VWA3B: variants seen among roughly 807,000 people sequenced by gnomAD.
VWA3B encodes von Willebrand factor A domain-containing protein 3B.
In VWA3B, 138 loss-of-function variants were observed where a neutral mutation model predicts 158.3. The observed-to-expected ratio is 0.87, with a 90% CI of 0.76 to 1.00. The LOEUF is 1.00. VWA3B is among the 50% of genes least tolerant of loss of function. The probability of loss-of-function intolerance (pLI) is 0.00; values close to 1 mark genes in which losing one functional copy is unlikely to be tolerated. For missense variants in VWA3B, 1,555 were observed against 1,565.1 expected (o/e 0.99, Z 0.11); for synonymous variants, 596 against 587.3 (o/e 1.01, Z -0.21).
At chr2:98,299,639 C>T (rs116269075) in intron 24 of VWA3B, among the ~76,000 whole-genome samples, 517 of 152,312 alleles carry the variant, frequency 3.4e-3, no homozygotes, top group African/African-American at 0.012. Context: ...TCTCCGTTTG[C>T]GACTTTTACC....
At chr2:98,278,372 G>C (rs368826716) in intron 22 of VWA3B, among the ~76,000 whole-genome samples, 2 of 152,222 alleles carry the variant, frequency 1.3e-5, no homozygotes, top group Non-Finnish European at 2.9e-5. Context: ...GTGTGTTACC[G>C]TGCTCCTTTA....
chr2:98,088,913 C>T (rs756630687), intron 1 of VWA3B, among the ~76,000 whole-genome samples: 6 of 151,832 alleles, frequency 4.0e-5, no homozygotes, highest in Non-Finnish European at 7.4e-5. Flanking sequence ...GTTACCATGC[C>T]CGGCTAATTT....
At chr2:98,300,841 C>T (rs912564510) in intron 25 of VWA3B, among the ~76,000 whole-genome samples, 1 of 152,122 alleles carries the variant, frequency 6.6e-6, no homozygotes, top group African/African-American at 2.4e-5. Flanking sequence ...GCGCCTCCTT[C>T]TCCTCTGTGT....
Position 98,194,429 on chromosome 2 carries a change from A to G in VWA3B, c.1674A>G (p.Glu558=). ...KFDGQAVAWR[E]QLAEVNEDNL... ...ATGGTCAAGCAGTTGCTTGGCGGGAACAACTTGCTGAAGTCAATGAAGATA... is the reference window on the plus strand; with the variant it reads ...ATGGTCAAGCAGTTGCTTGGCGGGAGCAACTTGCTGAAGTCAATGAAGATA... The change falls in exon 12 of 28, where the codon GAA becomes GAG. Residue 558 remains glutamate, a synonymous_variant. Transcript: ENST00000477737. The G allele has an allele frequency of 1.9e-6, 3 of 1,614,144 alleles. No individual in the cohort carries two copies. The highest frequency in any genetic ancestry group is 2.5e-6 in the Non-Finnish European group (3 of 1,179,996).
At chr2:98,307,921 C>T (rs1690628952) in intron 26 of VWA3B, among the ~76,000 whole-genome samples, 1 of 152,180 alleles carries the variant, frequency 6.6e-6, no homozygotes, top group African/African-American at 2.4e-5. Context: ...ACCTCCTTTC[C>T]TTCCTTCTGG....
chr2:98,202,017 T>C (rs1030102847), intron 12 of VWA3B, among the ~76,000 whole-genome samples: 1 of 152,242 alleles, frequency 6.6e-6, no homozygotes, highest in African/African-American at 2.4e-5. Context: ...TATCAGGAAA[T>C]GCTGACCTCA....
chr2:98,313,753 G>T (rs989163353), downstream of VWA3B, among the ~76,000 whole-genome samples: 11 of 152,122 alleles, frequency 7.2e-5, no homozygotes, highest in Admixed American at 7.2e-4. Flanking sequence ...TTTCTCATTG[G>T]AACAATCACT....
chr2:98,128,439 C>T (rs936720594), intron 6 of VWA3B, 31 bp downstream of exon 6: 1 of 1,604,026 alleles, frequency 6.2e-7, no homozygotes, highest in Non-Finnish European at 8.5e-7. Context: ...TGAGTGACAG[C>T]AAGCGGGTTG....
chr2:98,119,548 G>A lies in VWA3B; in HGVS notation c.327G>A (p.Val109=). Reference sequence around the variant, plus strand: ...AATCAGAACTGATTTATCAGTTTGTGGAACATTTAACACAAGCTGTGGAGA... The same window carrying A: ...AATCAGAACTGATTTATCAGTTTGTAGAACATTTAACACAAGCTGTGGAGA... ...TAKSELIYQF[V]EHLTQAVESY... is the part of the protein sequence containing the mutation. Residue 109 remains valine (V), a synonymous_variant, in exon 4 of 28, where the codon GTG becomes GTA. Transcript: ENST00000477737. 2 of 1,613,950 alleles carry A rather than the reference G, an allele frequency of 1.2e-6. No individual in the cohort carries two copies. The highest frequency in any genetic ancestry group is 1.7e-6 in the Non-Finnish European group (2 of 1,180,018).
At chr2:98,319,823 T>C in the VWA3B span, among the ~76,000 whole-genome samples, 1 of 151,478 alleles carries the variant, frequency 6.6e-6, no homozygotes, top group Admixed American at 6.6e-5. Flanking sequence ...GAGGTTGCAA[T>C]GAGCCTAGAT....
At chr2:98,216,987 C>CCCG (rs1684074488) in intron 13 of VWA3B, 1 of 1,275,356 alleles carries the variant, frequency 7.8e-7, no homozygotes, top group African/African-American at 1.6e-5. Flanking sequence ...TAAGCACCCG[C>CCCG]CCCGCACCCA....
At chr2:98,196,508 C>G (rs780731798) in intron 12 of VWA3B, among the ~76,000 whole-genome samples, 3 of 152,172 alleles carry the variant, frequency 2.0e-5, no homozygotes, top group Non-Finnish European at 4.4e-5. Context: ...TCTGAGCCTG[C>G]TTTGTGCTGT....
chr2:98,296,035 T>C (rs1185281233), intron 23 of VWA3B, among the ~76,000 whole-genome samples: 1 of 152,226 alleles, frequency 6.6e-6, no homozygotes, highest in Non-Finnish European at 1.5e-5. Flanking sequence ...AAAGAAGTCA[T>C]CATAACAGTC....
chr2:98,141,303 A>T (rs1300955470), intron 7 of VWA3B, among the ~76,000 whole-genome samples: 2 of 152,208 alleles, frequency 1.3e-5, no homozygotes, highest in African/African-American at 4.8e-5. Context: ...AAAGAGGTTT[A>T]TTAGGCTCAG....
chr2:98,159,023 G>A lies in VWA3B; in HGVS notation c.989-3828G>A, dbSNP rs75875296. Among the ~76,000 whole-genome samples the A allele has an allele frequency of 3.2e-3, 491 of 152,278 alleles. 4 individuals carry two copies. The highest frequency in any genetic ancestry group is 0.011 in the African/African-American group (467 of 41,542). The stretch of plus-strand genomic sequence containing the variant: ...TCTGGCAACTGGGTTTTATCCTGTA[G>A]GTGAGATGTGGAAGATTGGACAGGG... On this transcript the variant is annotated intron_variant, in intron 7 of 27. Coordinates refer to ENST00000477737, the MANE Select transcript of VWA3B (RefSeq NM_144992.5).
intron 2 of VWA3B, among the ~76,000 whole-genome samples, chr2:98,102,587 C>T (rs1161020321): frequency 6.6e-6 from 1 of 152,190 alleles, no homozygotes; most frequent in Non-Finnish European, 1.5e-5. Context: ...TTCAAATAAA[C>T]CTAATTCAGT....
intron 9 of VWA3B, among the ~76,000 whole-genome samples, chr2:98,185,228 A>G (rs892509150): frequency 2.6e-5 from 4 of 151,534 alleles, no homozygotes; most frequent in African/African-American, 7.3e-5. Context: ...ATTCCCACCC[A>G]TCTGTCTCCT....
At chr2:98,105,964 G>A (rs569276531) in intron 2 of VWA3B, among the ~76,000 whole-genome samples, 4 of 151,886 alleles carry the variant, frequency 2.6e-5, no homozygotes, top group Admixed American at 6.6e-5. Flanking sequence ...TGCCCAGGCT[G>A]GAGTGCAGTG....
intron 12 of VWA3B, among the ~76,000 whole-genome samples, chr2:98,196,856 T>C (rs1682090734): frequency 6.6e-6 from 1 of 152,250 alleles, no homozygotes; most frequent in African/African-American, 2.4e-5. Context: ...TGCAATAATT[T>C]TAGACTTACA....
Sources: gnomAD v4.1 joint callset for allele counts (sites outside exome capture counted in the v4.1 genomes callset) on GRCh38, gnomAD v4.1.1 for gene constraint, MANE v1.5 for transcripts, NCBI Gene and HGNC (gene_info 2026-07-23, HGNC 2026-07-21) for gene names.